YJU2: variants seen among roughly 807,000 people sequenced by gnomAD.
The protein encoded by YJU2 is YJU2 splicing factor homolog.
Under a neutral mutation model 39.6 loss-of-function variants are expected in YJU2, and 28 were observed. That is an observed-to-expected ratio of 0.71 (90% CI 0.52 to 0.97). The LOEUF (loss-of-function observed/expected upper bound fraction) is 0.97. Among genes scored for constraint, YJU2 ranks in the 50% least tolerant of loss-of-function variants. The pLI, the probability that YJU2 is intolerant of heterozygous loss-of-function variation, is 0.00. For synonymous variants in YJU2, 184 were observed against 182.4 expected, an observed-to-expected ratio of 1.01 and a Z score of -0.07; for missense variants, 328 against 430.4, an observed-to-expected ratio of 0.76 and a Z score of 2.11.
At chr19:4,267,581 T>C in intron 6 of YJU2, 43 bp from the exon 7 acceptor site, 1 of 1,596,408 alleles carries the variant, frequency 6.3e-7, no homozygotes, top group East Asian at 2.2e-5. Flanking sequence ...GACTGGGCCC[T>C]GGATCCGGGC....
chr19:4,248,410 C>T (rs545793852), intron 1 of YJU2, among the ~76,000 whole-genome samples: 4 of 152,286 alleles, frequency 2.6e-5, no homozygotes, highest in African/African-American at 9.6e-5. Flanking sequence ...GGACAGTGTG[C>T]GCATTTCACA....
rs545225775 is a variant in YJU2 at position 4,266,309 on chromosome 19, G to A, written c.709-1315G>A. ...CTTAGCAGTGGCCGCCCCTCACACC[G>A]TCAGCTTGGCACTCAAGGTCTCTGC... On this transcript the variant is annotated intron_variant, in intron 6 of 7. Coordinates refer to ENST00000262962, the MANE Select transcript of YJU2 (RefSeq NM_018074.6). Among the ~76,000 whole-genome samples, 5 of 152,112 alleles carry A rather than the reference G, an allele frequency of 3.3e-5. No individual in the cohort carries two copies. The East Asian group carries it at 9.7e-4, about 29-fold the overall frequency.
In YJU2 at chr19:4,251,146, G is replaced by C; in HGVS notation, c.245G>C (p.Arg82Pro). Reference sequence around the variant, plus strand: ...TTCCGCTTTTACATCAAGTGCACGCGCTGCCTGGCAGAGATCACCTTCAAG... The same window carrying C: ...TTCCGCTTTTACATCAAGTGCACGCCCTGCCTGGCAGAGATCACCTTCAAG... ...PIFRFYIKCT[R>P]CLAEITFKTD... Residue 82 changes from arginine (R) to proline (P), a missense_variant, in exon 3 of 8, where the codon CGC becomes CCC. By Grantham distance (103) the Arg-to-Pro change is moderately radical. Coordinates refer to ENST00000262962, the MANE Select transcript of YJU2 (RefSeq NM_018074.6). The C allele has an allele frequency of 1.2e-6, 2 of 1,614,082 alleles. No homozygotes were observed. The highest frequency in any genetic ancestry group is 1.7e-6 in the Non-Finnish European group (2 of 1,180,016).
intron 6 of YJU2, among the ~76,000 whole-genome samples, chr19:4,264,574 C>A (rs1971101485): frequency 6.6e-6 from 1 of 151,546 alleles, no homozygotes; most frequent in Non-Finnish European, 1.5e-5. Context: ...GCAACCTTCG[C>A]CCCCCGGGTT....
chr19:4,258,460 AGCCTCTGCCCCGGCAGGCGCT>A (rs771102245), intron 5 of YJU2, 37 bp downstream of exon 5: 14 of 1,548,608 alleles, frequency 9.0e-6, no homozygotes, highest in Middle Eastern at 2.3e-4. Flanking sequence ...CCCACCTCGC[AGCCTCTGCCCCGGCAGGCGCT>A]GCCTCTGCCC....
chr19:4,253,711 A>G (rs1007710247), intron 3 of YJU2, among the ~76,000 whole-genome samples: 1 of 152,252 alleles, frequency 6.6e-6, no homozygotes, highest in Admixed American at 6.5e-5. Context: ...CTCTCTATTC[A>G]ATAAACAAAA....
At chr19:4,263,403 GTTC>G (rs1325069214) in intron 6 of YJU2, among the ~76,000 whole-genome samples, 2 of 152,296 alleles carry the variant, frequency 1.3e-5, no homozygotes, top group African/African-American at 2.4e-5. Flanking sequence ...GCCCACCTCA[GTTC>G]TTCTCTCATG....
intron 7 of YJU2, 40 bp from the exon 8 acceptor site, chr19:4,268,544 C>T: frequency 6.9e-7 from 1 of 1,446,520 alleles, no homozygotes; most frequent in Non-Finnish European, 9.6e-7. Flanking sequence ...GGCCTGTCTG[C>T]TGTGGAGCTG....
At chr19:4,258,173 G>A (rs1282968082) in intron 4 of YJU2, 69 bp from the exon 5 acceptor site, 7 of 1,518,200 alleles carry the variant, frequency 4.6e-6, no homozygotes, top group African/African-American at 1.4e-5. Context: ...AGTGGCCCCC[G>A]AGGCCAGACA....
intron 3 of YJU2, among the ~76,000 whole-genome samples, chr19:4,251,619 A>G (rs1435979381): frequency 6.7e-6 from 1 of 149,360 alleles, no homozygotes; most frequent in Non-Finnish European, 1.5e-5. Context: ...TGGGAGGCAG[A>G]GGTTGCAGTG....
At chr19:4,250,303 C>T (rs980131251) in intron 2 of YJU2, among the ~76,000 whole-genome samples, 1 of 152,124 alleles carries the variant, frequency 6.6e-6, no homozygotes, top group African/African-American at 2.4e-5. Context: ...ATTCATTCAA[C>T]ACTCATTTAT....
At position 4,266,023 on chromosome 19, in the gene YJU2, G is replaced by C. The variant is rs530097399; in HGVS notation, c.709-1601G>C. Among the ~76,000 whole-genome samples, 3 of 148,054 alleles carry C rather than the reference G, an allele frequency of 2.0e-5. No homozygotes were observed. The South Asian group carries it at 6.4e-4, about 31-fold the overall frequency. ...GGCTGGAGTGCAGTGGCACGATCTC[G>C]GCTCACTGCAACCTCTGCCTCCCAG... On this transcript the variant is annotated intron_variant, in intron 6 of 7. Coordinates refer to ENST00000262962, the MANE Select transcript of YJU2 (RefSeq NM_018074.6).
At chr19:4,266,673 C>G (rs973039764) in intron 6 of YJU2, among the ~76,000 whole-genome samples, 7 of 152,186 alleles carry the variant, frequency 4.6e-5, no homozygotes, top group African/African-American at 1.7e-4. Context: ...ACCACTTCCT[C>G]TATTTAAACA....
intron 1 of YJU2, chr19:4,247,913 C>G (rs1001109924): frequency 6.6e-6 from 1 of 152,134 alleles, no homozygotes; most frequent in Non-Finnish European, 1.5e-5. Context: ...GCTTCCCAGG[C>G]TGGAGTGCAG....
chr19:4,247,483 G>A (rs1483920964), intron 1 of YJU2: 1 of 218,832 alleles, frequency 4.6e-6, no homozygotes, highest in Non-Finnish European at 9.2e-6. Context: ...TGGCGGCCGT[G>A]TTTTGCCCTC....
At chr19:4,261,653 T>TCG (rs1971071634) in intron 5 of YJU2, among the ~76,000 whole-genome samples, 3 of 151,876 alleles carry the variant, frequency 2.0e-5, no homozygotes, top group Non-Finnish European at 1.5e-5. Flanking sequence ...AGAGCGAGAC[T>TCG]CTGTCTCAAA....
intron 1 of YJU2, among the ~76,000 whole-genome samples, chr19:4,247,621 GTGTGTGTGTGTGTGTGTGTGTGT>G (rs1970936909): frequency 3.6e-5 from 2 of 55,314 alleles, no homozygotes; most frequent in African/African-American, 9.1e-5. Flanking sequence ...GTGTGTGTGT[GTGTGTGTGTGTGTGTGTGTGTGT>G]GTGTGTGTGT....
intron 4 of YJU2, among the ~76,000 whole-genome samples, chr19:4,256,179 AAAATAT>A (rs1187507939): frequency 0.013 from 1,275 of 97,192 alleles, 17 homozygotes; most frequent in African/African-American, 0.065. Flanking sequence ...CAAAAAAAAA[AAAATAT>A]ATATATATAT....
intron 6 of YJU2, among the ~76,000 whole-genome samples, chr19:4,266,619 C>T (rs202114518): frequency 6.6e-6 from 1 of 152,144 alleles, no homozygotes; most frequent in Non-Finnish European, 1.5e-5. Context: ...CGGTGAGCTC[C>T]GTGAGGGCAG....
Sources: allele counts gnomAD v4.1 joint callset (sites outside exome capture counted in the v4.1 genomes callset), GRCh38; gene constraint gnomAD v4.1.1; transcripts MANE v1.5; gene names NCBI Gene and HGNC (gene_info 2026-07-23, HGNC 2026-07-21).